Variants in MAP2K1 observed in about 807,000 individuals in gnomAD.
MAP2K1 encodes dual specificity mitogen-activated protein kinase kinase 1.
MAP2K1 carries 16 observed loss-of-function variants against 46.3 expected under a neutral mutation model. That is an observed-to-expected ratio of 0.35 (90% confidence interval 0.23 to 0.52). MAP2K1 has a LOEUF of 0.52. Among genes scored for constraint, MAP2K1 ranks in the 20% least tolerant of loss-of-function variants. MAP2K1 has a pLI of 0.94. For missense variants in MAP2K1, 263 were observed against 497.1 expected (o/e 0.53, Z 4.48); for synonymous variants, 183 against 185.6 (o/e 0.99, Z 0.11).
intron 1 of MAP2K1, among the ~76,000 whole-genome samples, chr15:66,428,251 C>G (rs1214244411): frequency 1.3e-5 from 2 of 148,222 alleles, no homozygotes; most frequent in Admixed American, 1.4e-4. Flanking sequence ...ACCAGAGAAA[C>G]AGAACCAACA....
intron 8 of MAP2K1, among the ~76,000 whole-genome samples, chr15:66,488,115 G>C (rs1345758486): frequency 6.6e-6 from 1 of 151,908 alleles, no homozygotes; most frequent in East Asian, 1.9e-4. Context: ...CATGGCAGTT[G>C]TTCTACTGCA....
At chr15:66,420,737 G>A (rs1405915694) in intron 1 of MAP2K1, among the ~76,000 whole-genome samples, 1,207 of 28,404 alleles carry the variant, frequency 0.042, 187 homozygotes, top group Non-Finnish European at 0.068. Context: ...GTGTGTGTGT[G>A]TGTGTGTGTG....
chr15:66,465,643 C>T (rs1219806418), intron 5 of MAP2K1, among the ~76,000 whole-genome samples: 1 of 152,098 alleles, frequency 6.6e-6, no homozygotes, highest in African/African-American at 2.4e-5. Flanking sequence ...TCTCTTCCCT[C>T]ACCACCACAC....
intron 3 of MAP2K1, among the ~76,000 whole-genome samples, chr15:66,437,430 T>A (rs2093491307): frequency 6.6e-6 from 1 of 152,208 alleles, no homozygotes; most frequent in African/African-American, 2.4e-5. Flanking sequence ...GAGTCCCTCC[T>A]TTTCTTCAGA....
chr15:66,443,007 C>A (rs2093508664), intron 3 of MAP2K1, among the ~76,000 whole-genome samples: 1 of 152,006 alleles, frequency 6.6e-6, no homozygotes, highest in South Asian at 2.1e-4. Flanking sequence ...GGCGCACCAC[C>A]CTCCAGGAAC....
chr15:66,460,649 GCA>G (rs1372328036), intron 5 of MAP2K1, among the ~76,000 whole-genome samples: 1 of 152,146 alleles, frequency 6.6e-6, no homozygotes, highest in Non-Finnish European at 1.5e-5. Context: ...GAATGATCCT[GCA>G]CAGAGAAGTG....
intron 5 of MAP2K1, among the ~76,000 whole-genome samples, chr15:66,477,020 G>T (rs1334923278): frequency 6.6e-6 from 1 of 152,150 alleles, no homozygotes; most frequent in African/African-American, 2.4e-5. Context: ...AGGTTTCCAG[G>T]TGGCTTCTTG....
At position 66,479,620 on chromosome 15, in the gene MAP2K1, C is replaced by T. The variant is rs890464214; in HGVS notation, c.569-2135C>T. Among the ~76,000 whole-genome samples the T allele has an allele frequency of 3.3e-5, 5 of 152,178 alleles. No individual in the cohort carries two copies. The East Asian group carries it at 7.7e-4, about 23-fold the overall frequency. On this transcript the variant is annotated intron_variant, in intron 5 of 10. Transcript: ENST00000307102. ...TGAGGGCTGGGTCTTAGGAGGACTA[C>T]ACCAGTGATGCAGTGTGTGCATGCA...
intron 1 of MAP2K1, among the ~76,000 whole-genome samples, chr15:66,393,365 A>G (rs2140518363): frequency 6.6e-6 from 1 of 152,038 alleles, no homozygotes; most frequent in African/African-American, 2.4e-5. Flanking sequence ...TTTAGTAGAG[A>G]CAGGGTTTCA....
At chr15:66,410,899 T>A (rs1377669230) in intron 1 of MAP2K1, among the ~76,000 whole-genome samples, 1 of 152,176 alleles carries the variant, frequency 6.6e-6, no homozygotes, top group Admixed American at 6.5e-5. Flanking sequence ...CTTCTGCAGA[T>A]GAAGAGTTCA....
At chr15:66,453,235 C>T (rs551508413) in intron 5 of MAP2K1, among the ~76,000 whole-genome samples, 10 of 152,320 alleles carry the variant, frequency 6.6e-5, no homozygotes, top group East Asian at 5.8e-4. Context: ...TTTTCCCTTC[C>T]GCCTAGTGCT....
At chr15:66,433,499 A>G (rs1260992882) in intron 1 of MAP2K1, among the ~76,000 whole-genome samples, 1 of 151,888 alleles carries the variant, frequency 6.6e-6, no homozygotes, top group Non-Finnish European at 1.5e-5. Flanking sequence ...GTGGGGGGAA[A>G]ATCAGTGAGG....
At chr15:66,402,154 C>T (rs1269067147) in intron 1 of MAP2K1, among the ~76,000 whole-genome samples, 2 of 152,082 alleles carry the variant, frequency 1.3e-5, no homozygotes, top group African/African-American at 2.4e-5. Context: ...TATTCAAAAG[C>T]GTGTTTTTTG....
chr15:66,453,127 TATGG>T (rs1462751492), intron 5 of MAP2K1, among the ~76,000 whole-genome samples: 1 of 152,220 alleles, frequency 6.6e-6, no homozygotes, highest in Non-Finnish European at 1.5e-5. Context: ...ATGTACCTAC[TATGG>T]ATCATGCCCT....
intron 5 of MAP2K1, among the ~76,000 whole-genome samples, chr15:66,469,472 CTTTTTTT>C (rs370379739): frequency 1.6e-4 from 12 of 76,608 alleles, no homozygotes; most frequent in African/African-American, 4.4e-4. Flanking sequence ...CTGGTGCCTC[CTTTTTTT>C]TTTTTTTTTT....
intron 3 of MAP2K1, among the ~76,000 whole-genome samples, chr15:66,442,687 G>T (rs2093507667): frequency 6.6e-6 from 1 of 152,132 alleles, no homozygotes; most frequent in Admixed American, 6.6e-5. Context: ...CACCAGCTGG[G>T]TGTCCTCCTG....
chr15:66,406,875 AC>A (rs1427528480), intron 1 of MAP2K1, among the ~76,000 whole-genome samples: 1 of 152,152 alleles, frequency 6.6e-6, no homozygotes, highest in African/African-American at 2.4e-5. Flanking sequence ...TGCTAAAAAT[AC>A]AAAAAATTAG....
chr15:66,440,506 A>C (rs1202039857), intron 3 of MAP2K1, among the ~76,000 whole-genome samples: 1 of 152,226 alleles, frequency 6.6e-6, no homozygotes, highest in Non-Finnish European at 1.5e-5. Context: ...TGCACTGCCC[A>C]GTCTGAATTT....
chr15:66,485,829 C>T (rs1893026169), intron 7 of MAP2K1, among the ~76,000 whole-genome samples: 1 of 152,188 alleles, frequency 6.6e-6, no homozygotes, highest in Non-Finnish European at 1.5e-5. Flanking sequence ...ATCCTCCCGC[C>T]TCAGCCTCCC....
Sources: allele counts gnomAD v4.1 joint callset (sites outside exome capture counted in the v4.1 genomes callset), GRCh38; gene constraint gnomAD v4.1.1; transcripts MANE v1.5; gene names NCBI Gene and HGNC (gene_info 2026-07-23, HGNC 2026-07-21).